The following PTPRT variants were observed in gnomAD, a reference collection of about 807,000 sequenced individuals.
PTPRT encodes the protein receptor-type tyrosine-protein phosphatase T.
PTPRT carries 56 observed loss-of-function variants against 176.8 expected under a neutral mutation model. That is an observed-to-expected ratio of 0.32 (90% confidence interval 0.26 to 0.40). PTPRT has a LOEUF of 0.40. Ranked by LOEUF, PTPRT falls within the 10% of genes least tolerant of loss-of-function variation. The pLI is 1.00. For synonymous variants in PTPRT, 783 were observed against 739.0 expected (o/e 1.06, Z -0.96); for missense variants, 1,540 against 1,908.2 (o/e 0.81, Z 3.60).
intron 7 of PTPRT, among the ~76,000 whole-genome samples, chr20:42,666,070 T>C (rs1026330117): frequency 6.6e-6 from 1 of 151,992 alleles, no homozygotes; most frequent in East Asian, 1.9e-4. Context: ...TGTGCACATG[T>C]ACCGTAAAAC....
At chr20:42,839,293 T>A (rs1014070988) in intron 2 of PTPRT, among the ~76,000 whole-genome samples, 6 of 149,580 alleles carry the variant, frequency 4.0e-5, no homozygotes, top group African/African-American at 1.5e-4. Flanking sequence ...GCACACTTAC[T>A]CTGTGTTCAC....
At chr20:42,451,535 TGAA>T (rs1385455008) in intron 8 of PTPRT, among the ~76,000 whole-genome samples, 1 of 151,418 alleles carries the variant, frequency 6.6e-6, no homozygotes, top group African/African-American at 2.4e-5. Flanking sequence ...TAAGACTAAG[TGAA>T]GAAGAACTCC....
intron 7 of PTPRT, among the ~76,000 whole-genome samples, chr20:42,513,201 GGTGTGT>G (rs58268839): frequency 0.025 from 3,668 of 144,636 alleles, 72 homozygotes; most frequent in African/African-American, 0.058. Context: ...CTATTGATGG[GGTGTGT>G]GTGTGTGTGT....
chr20:42,351,567 T>C (rs2058284476), intron 10 of PTPRT, among the ~76,000 whole-genome samples: 1 of 152,194 alleles, frequency 6.6e-6, no homozygotes, highest in Non-Finnish European at 1.5e-5. Flanking sequence ...ATATTTAGGA[T>C]AATGAAAGCT....
chr20:42,592,860 C>T (rs573034097), intron 7 of PTPRT, among the ~76,000 whole-genome samples: 1 of 152,282 alleles, frequency 6.6e-6, no homozygotes, highest in South Asian at 2.1e-4. Context: ...ATTTAGCTGA[C>T]AGGAGAGGCA....
intron 6 of PTPRT, among the ~76,000 whole-genome samples, chr20:42,695,247 A>G (rs2075856647): frequency 6.6e-6 from 1 of 152,114 alleles, no homozygotes; most frequent in Non-Finnish European, 1.5e-5. Flanking sequence ...CAATTTATCA[A>G]TTTTTCAGTT....
intron 7 of PTPRT, among the ~76,000 whole-genome samples, chr20:42,491,898 T>C (rs993088287): frequency 6.6e-6 from 1 of 152,174 alleles, no homozygotes; most frequent in African/African-American, 2.4e-5. Context: ...CTATAATTTT[T>C]TTATCATTTC....
chr20:42,719,913 G>T (rs2076280494), intron 6 of PTPRT, among the ~76,000 whole-genome samples: 1 of 152,170 alleles, frequency 6.6e-6, no homozygotes, highest in East Asian at 1.9e-4. Flanking sequence ...ACAAAGAAGT[G>T]GTAGATGAAG....
intron 5 of PTPRT, among the ~76,000 whole-genome samples, chr20:42,770,725 T>C (rs1482645196): frequency 6.6e-6 from 1 of 152,224 alleles, no homozygotes; most frequent in East Asian, 1.9e-4. Context: ...TAAGATTACA[T>C]GACAACCACG....
At chr20:42,985,382 C>G (rs527894829) in intron 1 of PTPRT, among the ~76,000 whole-genome samples, 1 of 152,066 alleles carries the variant, frequency 6.6e-6, no homozygotes, top group African/African-American at 2.4e-5. Context: ...GTAATCCCAG[C>G]TACTCGGGAG....
chr20:42,466,159 A>T (rs1245704662), intron 8 of PTPRT, among the ~76,000 whole-genome samples: 5 of 152,162 alleles, frequency 3.3e-5, no homozygotes, highest in Non-Finnish European at 7.3e-5. Context: ...TCTATCATTG[A>T]TGGCCATTTG....
chr20:43,148,718 A>C (rs2014249382), intron 1 of PTPRT, among the ~76,000 whole-genome samples: 1 of 152,200 alleles, frequency 6.6e-6, no homozygotes, highest in Non-Finnish European at 1.5e-5. Flanking sequence ...TTTCAGGAAG[A>C]AATTTCCCAT....
chr20:42,252,156 A>G (rs551882065), intron 13 of PTPRT, among the ~76,000 whole-genome samples: 5 of 152,332 alleles, frequency 3.3e-5, no homozygotes, highest in African/African-American at 1.2e-4. Context: ...GATGACCACA[A>G]ATCTTTGCAC....
intron 1 of PTPRT, among the ~76,000 whole-genome samples, chr20:42,985,365 C>T (rs183003351): frequency 1.3e-3 from 202 of 152,114 alleles, no homozygotes; most frequent in African/African-American, 4.4e-3. Context: ...TCTGGTGGCT[C>T]GTGCCTGTAA....
rs368523098 is a variant in PTPRT, at chr20:42,710,016, A to G, written c.860-31857T>C. Among the ~76,000 whole-genome samples the G allele has an allele frequency of 6.1e-4, 93 of 152,362 alleles. 1 individual carries two copies. The highest frequency in any genetic ancestry group is 2.1e-3 in the African/African-American group (88 of 41,588). ...CTGGCAGAATAAATTTCTAAGCAGC[A>G]AAGTGTTCAAGATATGGCCTGGCTG... On this transcript the variant is annotated intron_variant, in intron 6 of 30. Transcript: ENST00000373187.
chr20:42,985,576 T>C (rs566016425), intron 1 of PTPRT, among the ~76,000 whole-genome samples: 1 of 152,254 alleles, frequency 6.6e-6, no homozygotes, highest in Admixed American at 6.5e-5. Context: ...CCTGCTCTTG[T>C]AGAGCTTACT....
intron 1 of PTPRT, among the ~76,000 whole-genome samples, chr20:43,038,186 A>C (rs1428925301): frequency 6.7e-6 from 1 of 149,924 alleles, no homozygotes; most frequent in East Asian, 1.9e-4. Context: ...TATACGTATC[A>C]TATTACCTCC....
intron 2 of PTPRT, among the ~76,000 whole-genome samples, chr20:42,839,442 C>T (rs1301331953): frequency 6.6e-6 from 1 of 151,988 alleles, no homozygotes; most frequent in Non-Finnish European, 1.5e-5. Flanking sequence ...CTTTTTGAGC[C>T]AGCATGATAA....
At chr20:42,951,720 C>T (rs1981263532) in intron 1 of PTPRT, among the ~76,000 whole-genome samples, 1 of 152,124 alleles carries the variant, frequency 6.6e-6, no homozygotes. Flanking sequence ...AGGATAACAG[C>T]AGTGGATACA....
Sources: gnomAD v4.1 joint callset for allele counts (sites outside exome capture counted in the v4.1 genomes callset) on GRCh38, gnomAD v4.1.1 for gene constraint, MANE v1.5 for transcripts, NCBI Gene and HGNC (gene_info 2026-07-23, HGNC 2026-07-21) for gene names.